Variants in VDAC1 observed in about 807,000 individuals in gnomAD.
VDAC1 encodes the protein voltage dependent anion channel 1, also known as non-selective voltage-gated ion channel VDAC1.
Under a neutral mutation model 34.7 loss-of-function variants are expected in VDAC1, and 10 were observed. The ratio of observed to expected loss-of-function variants is 0.29; its 90% CI spans 0.18 to 0.49. The LOEUF is 0.49. Ranked by LOEUF, VDAC1 falls within the 20% of genes least tolerant of loss-of-function variation. The pLI is 0.99. For synonymous variants in VDAC1, 130 were observed against 136.0 expected, an observed-to-expected ratio of 0.96 and a Z score of 0.30; for missense variants, 230 against 347.9, an observed-to-expected ratio of 0.66 and a Z score of 2.69.
chr5:134,029,028 C>T, the VDAC1 span, among the ~76,000 whole-genome samples: 1 of 152,120 alleles, frequency 6.6e-6, no homozygotes, highest in African/African-American at 2.4e-5. Flanking sequence ...CTCCTAGCAG[C>T]AGTAGGGTGA....
chr5:134,104,225 CCT>C, the VDAC1 span, among the ~76,000 whole-genome samples: 9,007 of 152,278 alleles, frequency 0.059, 322 homozygotes, highest in Non-Finnish European at 0.09. Flanking sequence ...CCATGAAAGC[CCT>C]TCCCCTCATC....
chr5:134,021,565 A>AG, the VDAC1 span, among the ~76,000 whole-genome samples: 6 of 151,816 alleles, frequency 4.0e-5, no homozygotes, highest in East Asian at 1.9e-4. Flanking sequence ...CTTAAAAAAA[A>AG]AAAAAAGAAA....
chr5:134,106,320 C>G, the VDAC1 span, among the ~76,000 whole-genome samples: 9 of 152,112 alleles, frequency 5.9e-5, no homozygotes, highest in Admixed American at 5.2e-4. Context: ...GTATATTTAA[C>G]AAACACAGGA....
chr5:133,987,329 C>T (rs937377174), intron 5 of VDAC1, among the ~76,000 whole-genome samples: 1 of 151,792 alleles, frequency 6.6e-6, no homozygotes, highest in African/African-American at 2.4e-5. Flanking sequence ...CCACTGCACT[C>T]CAGCCTAGGT....
chr5:134,005,726 T>C (rs1348526848), upstream of VDAC1, among the ~76,000 whole-genome samples: 2 of 152,200 alleles, frequency 1.3e-5, no homozygotes, highest in Non-Finnish European at 2.9e-5. Flanking sequence ...CTGCTAGGCC[T>C]AAGCGAGTGG....
At chr5:133,992,904 C>T in intron 2 of VDAC1, 42 bp downstream of exon 2, 4 of 1,588,642 alleles carry the variant, frequency 2.5e-6, no homozygotes, top group South Asian at 2.3e-5. Context: ...CATGCCAACT[C>T]AGTCTGTGAG....
the VDAC1 span, among the ~76,000 whole-genome samples, chr5:134,040,669 G>A: frequency 2.6e-5 from 4 of 152,220 alleles, no homozygotes; most frequent in African/African-American, 9.6e-5. Flanking sequence ...GGAGGTTGCG[G>A]TGAGCCAATA....
the VDAC1 span, among the ~76,000 whole-genome samples, chr5:134,053,352 C>A: frequency 2.0e-5 from 3 of 152,198 alleles, no homozygotes; most frequent in Non-Finnish European, 4.4e-5. Flanking sequence ...CTACAAACAA[C>A]CCCCTTCCAA....
chr5:133,999,730 A>C (rs1176235342), intron 1 of VDAC1, among the ~76,000 whole-genome samples: 2 of 152,156 alleles, frequency 1.3e-5, no homozygotes, highest in Non-Finnish European at 2.9e-5. Context: ...CCCCATCCAC[A>C]GCTTTGCAAA....
chr5:134,018,829 C>A, the VDAC1 span, among the ~76,000 whole-genome samples: 1 of 152,190 alleles, frequency 6.6e-6, no homozygotes, highest in East Asian at 1.9e-4. Context: ...GATGTCAGCC[C>A]TGTGGGCATT....
the VDAC1 span, among the ~76,000 whole-genome samples, chr5:134,059,422 A>G: frequency 1.3e-5 from 2 of 152,284 alleles, no homozygotes; most frequent in East Asian, 3.9e-4. Flanking sequence ...AAGTGAAACT[A>G]TGGGAGAGCC....
chr5:134,102,168 G>T, the VDAC1 span, among the ~76,000 whole-genome samples: 35 of 152,114 alleles, frequency 2.3e-4, no homozygotes, highest in East Asian at 4.1e-3. Flanking sequence ...CAGCCACCAG[G>T]GGGGGTCTGT....
the VDAC1 span, among the ~76,000 whole-genome samples, chr5:134,017,862 G>A: frequency 1.3e-5 from 2 of 152,154 alleles, no homozygotes; most frequent in African/African-American, 4.8e-5. Flanking sequence ...GCAGTGAGCC[G>A]AGATTGTGCC....
At chr5:133,992,829 C>T (rs1753157339) in intron 2 of VDAC1, 117 bp downstream of exon 2, 1 of 970,328 alleles carries the variant, frequency 1.0e-6, no homozygotes, top group Non-Finnish European at 1.5e-6. Flanking sequence ...TTTTTTCCCT[C>T]ACGTGAAAGT....
At chr5:134,071,952 T>C in the VDAC1 span, among the ~76,000 whole-genome samples, 1 of 152,094 alleles carries the variant, frequency 6.6e-6, no homozygotes, top group African/African-American at 2.4e-5. This position sits in a 1 kb window ranked among gnomAD's most constrained non-coding sequence, Gnocchi z 4.1. Context: ...AACCCCTGGA[T>C]AGGAGGCTGG....
chr5:134,058,182 C>T, the VDAC1 span, among the ~76,000 whole-genome samples: 1 of 152,168 alleles, frequency 6.6e-6, no homozygotes, highest in African/African-American at 2.4e-5. Context: ...GCCACCACGC[C>T]CAGTTGCTTC....
the VDAC1 span, among the ~76,000 whole-genome samples, chr5:134,023,359 C>T: frequency 6.6e-6 from 1 of 151,782 alleles, no homozygotes; most frequent in African/African-American, 2.4e-5. Flanking sequence ...AGGACAAATA[C>T]CTAATGCATA....
At chr5:134,026,502 G>A in the VDAC1 span, among the ~76,000 whole-genome samples, 7 of 137,122 alleles carry the variant, frequency 5.1e-5, no homozygotes, top group South Asian at 5.0e-4. Flanking sequence ...GTGACAGAGC[G>A]AGACTCCGTC....
At chr5:134,096,383 C>T in the VDAC1 span, among the ~76,000 whole-genome samples, 3 of 152,214 alleles carry the variant, frequency 2.0e-5, no homozygotes, top group South Asian at 2.1e-4. Flanking sequence ...AGCCAGGGAC[C>T]GGGCCCACAG....
Sources: gnomAD v4.1 joint callset for allele counts (sites outside exome capture counted in the v4.1 genomes callset) on GRCh38, gnomAD v4.1.1 for gene constraint, Gnocchi (gnomAD v3.1) non-coding constraint, MANE v1.5 for transcripts, NCBI Gene and HGNC (gene_info 2026-07-23, HGNC 2026-07-21) for gene names.